MAGI1: variants seen among roughly 807,000 people sequenced by gnomAD.
The protein encoded by MAGI1 is membrane-associated guanylate kinase, WW and PDZ domain-containing protein 1.
A neutral mutation model predicts 139.9 loss-of-function variants in MAGI1; 58 were observed. The observed-to-expected ratio is 0.41, with a 90% confidence interval of 0.34 to 0.52. The LOEUF is 0.52. Ranked by LOEUF, MAGI1 falls within the 20% of genes least tolerant of loss-of-function variation. MAGI1 has a pLI of 0.12. For missense variants in MAGI1, 1,874 were observed against 1,901.6 expected, an observed-to-expected ratio of 0.99 and a Z score of 0.27; for synonymous variants, 812 against 737.9, an observed-to-expected ratio of 1.10 and a Z score of -1.63.
intron 2 of MAGI1, among the ~76,000 whole-genome samples, chr3:65,515,523 A>G (rs1173559959): frequency 6.6e-6 from 1 of 152,196 alleles, no homozygotes; most frequent in African/African-American, 2.4e-5. Flanking sequence ...AATTCACACA[A>G]TAGGGCCTGA....
intron 2 of MAGI1, among the ~76,000 whole-genome samples, chr3:65,503,099 T>A (rs909770402): frequency 9.9e-5 from 15 of 152,094 alleles, no homozygotes; most frequent in African/African-American, 3.4e-4. Context: ...GTGCTGTACC[T>A]CCAGCAGAAC....
intron 1 of MAGI1, among the ~76,000 whole-genome samples, chr3:65,919,317 CT>C (rs2062056590): frequency 6.6e-6 from 1 of 152,156 alleles, no homozygotes; most frequent in African/African-American, 2.4e-5. Flanking sequence ...AATTCCAGCA[CT>C]TTGGGAAGCT....
At chr3:65,598,369 G>A (rs1465913680) in intron 2 of MAGI1, among the ~76,000 whole-genome samples, 1 of 152,190 alleles carries the variant, frequency 6.6e-6, no homozygotes, top group East Asian at 1.9e-4. Flanking sequence ...GAGTGCATGA[G>A]TGGGTGGGTG....
At chr3:65,535,431 G>C (rs764459501) in intron 2 of MAGI1, among the ~76,000 whole-genome samples, 1 of 152,164 alleles carries the variant, frequency 6.6e-6, no homozygotes, top group Non-Finnish European at 1.5e-5. Flanking sequence ...GATAGCAACA[G>C]GAAGAGGAAG....
intron 2 of MAGI1, among the ~76,000 whole-genome samples, chr3:65,598,974 A>G (rs1191012042): frequency 2.6e-5 from 4 of 152,202 alleles, no homozygotes; most frequent in African/African-American, 9.6e-5. Flanking sequence ...ATGCCTCCAG[A>G]CTGTCAAAGA....
intron 12 of MAGI1, among the ~76,000 whole-genome samples, chr3:65,417,584 A>G (rs978294922): frequency 6.6e-6 from 1 of 151,916 alleles, no homozygotes; most frequent in African/African-American, 2.4e-5. Flanking sequence ...TGGGATTTTG[A>G]GATGATGGTG....
chr3:65,891,920 A>G (rs1316435258), intron 1 of MAGI1, among the ~76,000 whole-genome samples: 1 of 99,798 alleles, frequency 1.0e-5, no homozygotes, highest in Non-Finnish European at 2.1e-5. Flanking sequence ...ATATATATAT[A>G]TATATATATA....
chr3:65,937,132 GGAAATAA>G (rs1440523485), intron 1 of MAGI1, among the ~76,000 whole-genome samples: 1 of 152,090 alleles, frequency 6.6e-6, no homozygotes, highest in African/African-American at 2.4e-5. Context: ...ATCTCATCAG[GGAAATAA>G]ACTAGCAATA....
intron 13 of MAGI1, 93 bp downstream of exon 13, chr3:65,401,346 G>T: frequency 6.8e-7 from 1 of 1,462,620 alleles, no homozygotes; most frequent in Admixed American, 2.0e-5. Flanking sequence ...AACACATTTA[G>T]TGAAGTGAAG....
intron 1 of MAGI1, among the ~76,000 whole-genome samples, chr3:65,643,255 T>C (rs140802774): frequency 4.8e-4 from 73 of 152,286 alleles, no homozygotes; most frequent in African/African-American, 1.7e-3. Flanking sequence ...GATAAATACA[T>C]AGAACTAGTT....
At chr3:65,626,223 G>A (rs962198915) in intron 1 of MAGI1, among the ~76,000 whole-genome samples, 13 of 152,138 alleles carry the variant, frequency 8.5e-5, no homozygotes, top group African/African-American at 3.1e-4. Flanking sequence ...TTCAGATACA[G>A]TAACTTTTTA....
chr3:65,779,289 G>A (rs2038736821), intron 1 of MAGI1, among the ~76,000 whole-genome samples: 1 of 152,100 alleles, frequency 6.6e-6, no homozygotes, highest in Non-Finnish European at 1.5e-5. Flanking sequence ...TCTTCTCCAT[G>A]TAAATGTGCA....
At chr3:65,565,952 C>G (rs2080605321) in intron 2 of MAGI1, among the ~76,000 whole-genome samples, 1 of 151,542 alleles carries the variant, frequency 6.6e-6, no homozygotes. Context: ...TATTTACAGG[C>G]AGAGAAAAAC....
intron 1 of MAGI1, among the ~76,000 whole-genome samples, chr3:65,791,434 T>TG (rs1271582346): frequency 1.3e-5 from 2 of 152,112 alleles, no homozygotes; most frequent in African/African-American, 4.8e-5. Flanking sequence ...AGCACACTGC[T>TG]GAAAAAATAC....
intron 5 of MAGI1, among the ~76,000 whole-genome samples, chr3:65,464,319 G>A (rs1950030862): frequency 6.6e-6 from 1 of 151,858 alleles, no homozygotes; most frequent in Non-Finnish European, 1.5e-5. Flanking sequence ...TTCTTGCACT[G>A]GGAGTTTAGA....
At chr3:65,364,595 C>T (rs1941226687) in intron 20 of MAGI1, 70 bp downstream of exon 20, 2 of 1,349,016 alleles carry the variant, frequency 1.5e-6, no homozygotes, top group Non-Finnish European at 2.1e-6. Flanking sequence ...AAAAATATCC[C>T]ATAAAAGTAG....
At chr3:65,945,594 A>T (rs952398303) in intron 1 of MAGI1, among the ~76,000 whole-genome samples, 1 of 152,236 alleles carries the variant, frequency 6.6e-6, no homozygotes, top group Non-Finnish European at 1.5e-5. Flanking sequence ...CCCAGTAGCC[A>T]TGCTTCAACC....
chr3:65,409,641 T>C (rs1945621892), intron 12 of MAGI1, among the ~76,000 whole-genome samples: 1 of 151,954 alleles, frequency 6.6e-6, no homozygotes. Context: ...TCATTTTTTT[T>C]TTCTCCTTCT....
chr3:65,465,286 T>C (rs1434159343), intron 5 of MAGI1, among the ~76,000 whole-genome samples: 1 of 151,234 alleles, frequency 6.6e-6, no homozygotes, highest in African/African-American at 2.4e-5. Flanking sequence ...ATTTTATTTA[T>C]CTATAGTTTT....
Sources: allele counts gnomAD v4.1 joint callset (sites outside exome capture counted in the v4.1 genomes callset), GRCh38; gene constraint gnomAD v4.1.1; transcripts MANE v1.5; gene names NCBI Gene and HGNC (gene_info 2026-07-23, HGNC 2026-07-21).